Variants in TBR1 observed in about 807,000 individuals in gnomAD.
The protein encoded by TBR1 is T-box brain transcription factor 1.
A neutral mutation model predicts 60.3 loss-of-function variants in TBR1; 7 were observed. The observed-to-expected ratio is 0.12, with a 90% CI of 0.07 to 0.22. The LOEUF is 0.22. Ranked by LOEUF, TBR1 falls within the 10% of genes least tolerant of loss-of-function variation. TBR1 has a pLI of 1.00. For missense variants in TBR1, 616 were observed against 936.8 expected (o/e 0.66, Z 4.47); for synonymous variants, 417 against 409.9 (o/e 1.02, Z -0.21).
intron 5 of TBR1, chr2:161,423,029 A>G (rs1684256704): frequency 4.3e-6 from 1 of 231,896 alleles, no homozygotes; most frequent in African/African-American, 2.2e-5. Context: ...ATGTTGGAGA[A>G]GTGGGATGAA....
chr2:161,421,178 A>G (rs566819046), intron 5 of TBR1: 30 of 152,428 alleles, frequency 2.0e-4, no homozygotes, highest in Middle Eastern at 3.4e-3. Flanking sequence ...GAAAGGGTAC[A>G]TACATCTTAA....
chr2:161,419,931 C>A, intron 4 of TBR1: 1 of 240,982 alleles, frequency 4.1e-6, no homozygotes. Context: ...TGAGTTTGAA[C>A]AAATTTAGAA....
chr2:161,423,984 G>A lies in TBR1; in HGVS notation c.1806G>A (p.Glu602=). The A allele has an allele frequency of 6.4e-7, 1 of 1,555,816 alleles. No individual in the cohort carries two copies. The highest frequency in any genetic ancestry group is 8.7e-7 in the Non-Finnish European group (1 of 1,149,994). Residue 602 remains glutamate, a synonymous_variant, in exon 6 of 6, where the codon GAG becomes GAA. Transcript: ENST00000389554. Reference sequence around the variant, plus strand: ...CGCCGCTGCCGCCCGGCGCCGCCGAGGACGCCAAGCCCAAGGACCTGTCCG... The same window carrying A: ...CGCCGCTGCCGCCCGGCGCCGCCGAAGACGCCAAGCCCAAGGACCTGTCCG... ...ERSPLPPGAA[E]DAKPKDLSDS...
Position 161,416,333 on chromosome 2 carries a change from G to T in TBR1, c.-78G>T. 2 of 1,152,982 alleles carry T rather than the reference G, an allele frequency of 1.7e-6. No homozygotes were observed. Among genetic ancestry groups the T allele is most frequent in the Non-Finnish European group, 2.5e-6 (2 of 809,290 alleles). 71.4% of individuals were successfully genotyped at this position (1,152,982 alleles called of 1,614,324 possible). On this transcript the variant is annotated 5_prime_UTR_variant, in exon 1 of 6. Transcript: ENST00000389554. This position sits in a 1 kb window ranked among gnomAD's most constrained non-coding sequence, Gnocchi z 6.1. ...GAAGTGCTTTCTGTCTAGTGAGGGGGTCTGTGGATTTCTAGTTTATGATAA... is the reference window on the plus strand; with the variant it reads ...GAAGTGCTTTCTGTCTAGTGAGGGGTTCTGTGGATTTCTAGTTTATGATAA...
At position 161,416,852 on chromosome 2, in the gene TBR1, C is replaced by T; in HGVS notation, c.442C>T (p.His148Tyr). Reference sequence around the variant, plus strand: ...CGGCAGCCCTAGCCGCTACATGGCCCACCACCCGGTCATCACCAACGGAGC... The same window carrying T: ...CGGCAGCCCTAGCCGCTACATGGCCTACCACCCGGTCATCACCAACGGAGC... Reference protein sequence around the residue: ...SIGSPSRYMAHHPVITNGAYN... With the variant: ...SIGSPSRYMAYHPVITNGAYN... The change falls in exon 1 of 6, where the codon CAC becomes TAC. Residue 148 changes from histidine (H) to tyrosine (Y), a missense_variant. His to Tyr is a moderately conservative substitution (Grantham distance 83). Transcript: ENST00000389554. The surrounding 1 kb of genome is among the most constrained non-coding windows in gnomAD (Gnocchi z 6.1). 6.2e-7 allele frequency: 1 copy of T among 1,614,092 alleles called. No individual in the cohort carries two copies. Among genetic ancestry groups the T allele is most frequent in the Non-Finnish European group, 8.5e-7 (1 of 1,180,012 alleles).
At chr2:161,419,671 G>T (rs1684196257) in intron 4 of TBR1, 1 of 152,502 alleles carries the variant, frequency 6.6e-6, no homozygotes, top group African/African-American at 2.4e-5. Context: ...TTGACTACTA[G>T]GAGTGATAGG....
chr2:161,416,886 G>A lies in TBR1; in HGVS notation c.476G>A (p.Ser159Asn), dbSNP rs1359219011. 4 of 1,614,030 alleles carry A rather than the reference G, an allele frequency of 2.5e-6. No homozygotes were observed. Reference protein sequence around the residue: ...HPVITNGAYNSLLSNSSPQGY... With the variant: ...HPVITNGAYNNLLSNSSPQGY... ...GTCATCACCAACGGAGCCTACAACA[G>A]CCTCCTGTCCAACTCCTCGCCGCAG... Residue 159 changes from serine (S) to asparagine (N), a missense_variant, in exon 1 of 6, where the codon AGC becomes AAC. Physicochemically the swap from Ser to Asn is conservative, Grantham distance 46. Coordinates refer to ENST00000389554, the MANE Select transcript of TBR1 (RefSeq NM_006593.4). The surrounding 1 kb of genome is among the most constrained non-coding windows in gnomAD (Gnocchi z 6.1).
In TBR1 at chr2:161,423,802, C is replaced by T; in HGVS notation, c.1624C>T (p.Pro542Ser). ...CCGCCCGCTCGGCTACTACGCCGAC[C>T]CGTCGGGCTGGGGCGCCCGCAGTCC... ...TGRPLGYYADPSGWGARSPPQ... is the reference protein window; with the variant it reads ...TGRPLGYYADSSGWGARSPPQ... Residue 542 changes from proline (P) to serine (S), a missense_variant, in exon 6 of 6, where the codon CCG becomes TCG. By Grantham distance (74) the Pro-to-Ser change is moderately conservative. Transcript: ENST00000389554. The T allele has an allele frequency of 4.7e-6, 7 of 1,477,424 alleles. No individual in the cohort carries two copies. The highest frequency in any genetic ancestry group is 6.3e-6 in the Non-Finnish European group (7 of 1,119,300). The allele number at this position is 1,477,424 out of a possible 1,614,324, so 91.5% of individuals were successfully genotyped here.
chr2:161,417,006 T>G lies in TBR1; in HGVS notation c.596T>G (p.Leu199Arg). The G allele has an allele frequency of 6.2e-7, 1 of 1,614,182 alleles. No individual in the cohort carries two copies. ...CAGTTCTCCTCCACCCAGCCGGGGC[T>G]GGTGCCCGGCAAAGCACAGGTGTAC... ...FYQFSSTQPGLVPGKAQVYLC... is the reference protein window; with the variant it reads ...FYQFSSTQPGRVPGKAQVYLC... The change falls in exon 1 of 6, where the codon CTG becomes CGG. Residue 199 changes from leucine to arginine, a missense_variant. Physicochemically the swap from Leu to Arg is moderately radical, Grantham distance 102. This residue lies in a region of TBR1 where 211 missense variants were observed against 268.7 expected (regional missense o/e 0.79). Transcript: ENST00000389554. This position sits in a 1 kb window ranked among gnomAD's most constrained non-coding sequence, Gnocchi z 5.3.
Position 161,417,272 on chromosome 2 carries a change from A to T in TBR1, c.692+170A>T. Reference sequence around the variant, plus strand: ...AGTGGAAGGGATAACCGCCAGGGTGATGTTGGTGGGGGGGACCCCGTTCTA... The same window carrying T: ...AGTGGAAGGGATAACCGCCAGGGTGTTGTTGGTGGGGGGGACCCCGTTCTA... On this transcript the variant is annotated intron_variant, in intron 1 of 5. Coordinates refer to ENST00000389554, the MANE Select transcript of TBR1 (RefSeq NM_006593.4). This position sits in a 1 kb window ranked among gnomAD's most constrained non-coding sequence, Gnocchi z 5.3. 1.4e-6 allele frequency: 1 copy of T among 693,752 alleles called. No individual in the cohort carries two copies. Among genetic ancestry groups the T allele is most frequent in the Non-Finnish European group, 2.3e-6 (1 of 426,042 alleles). 43.0% of individuals were successfully genotyped at this position (693,752 alleles called of 1,614,324 possible).
rs191641523 is a variant in TBR1 at position 161,417,982 on chromosome 2, C to T, written c.847+152C>T. ...GGGGACAGGGGGACAGACTGAGCTGCGAGAAGGGGGAGGATTATGCAAAAG... is the reference window on the plus strand; with the variant it reads ...GGGGACAGGGGGACAGACTGAGCTGTGAGAAGGGGGAGGATTATGCAAAAG... On this transcript the variant is annotated intron_variant, in intron 2 of 5. Coordinates refer to ENST00000389554, the MANE Select transcript of TBR1 (RefSeq NM_006593.4). The surrounding 1 kb of genome is among the most constrained non-coding windows in gnomAD (Gnocchi z 5.3). 4.1e-6 allele frequency: 6 copies of T among 1,450,436 alleles called. No individual in the cohort carries two copies. The Admixed American group carries it at 1.4e-4, about 34-fold the overall frequency. The allele number at this position is 1,450,436 out of a possible 1,614,324, so 89.8% of individuals were successfully genotyped here.
Position 161,419,092 on chromosome 2 carries a change from A to G in TBR1, c.1128+42A>G, listed in dbSNP as rs1324253388. On this transcript the variant is annotated intron_variant, in intron 4 of 5. Coordinates refer to ENST00000389554, the MANE Select transcript of TBR1 (RefSeq NM_006593.4). ...GCTGGGGGCGAGGCGGGCGGCACAG[A>G]CATCTCTCCCACCCTCTCACATTCT... 8 of 1,612,772 alleles carry G rather than the reference A, an allele frequency of 5.0e-6. No individual in the cohort carries two copies. The South Asian group carries it at 8.8e-5, about 18-fold the overall frequency.
Position 161,422,542 on chromosome 2 carries a change from G to GT in TBR1, c.1191-826dup, listed in dbSNP as rs1344373040. ...TCCATTGCATGGAGTAGGCTGATAAGTACACTGTAGGTTTGCCCCGAAGTT... is the reference window on the plus strand; with the variant it reads ...TCCATTGCATGGAGTAGGCTGATAAGTTACACTGTAGGTTTGCCCCGAAGTT... On this transcript the variant is annotated intron_variant, in intron 5 of 5. Coordinates refer to ENST00000389554, the MANE Select transcript of TBR1 (RefSeq NM_006593.4). The GT allele has an allele frequency of 2.0e-5, 3 of 152,226 alleles. No individual in the cohort carries two copies. The East Asian group carries it at 5.8e-4, about 29-fold the overall frequency. 9.4% of individuals were successfully genotyped at this position (152,226 alleles called of 1,614,324 possible). A position where few individuals can be genotyped will look rare whatever the true frequency, so the allele number is the denominator to read the frequency against.
At position 161,418,801 on chromosome 2, in the gene TBR1, G is replaced by A. The variant is rs890022731; in HGVS notation, c.970-91G>A. On this transcript the variant is annotated intron_variant, in intron 3 of 5. Coordinates refer to ENST00000389554, the MANE Select transcript of TBR1 (RefSeq NM_006593.4). Reference sequence around the variant, plus strand: ...AGGCGGGCTGCAGGCTGCCTCCGCCGGCCCGGGCGCGCAGCCGGGCGCACA... The same window carrying A: ...AGGCGGGCTGCAGGCTGCCTCCGCCAGCCCGGGCGCGCAGCCGGGCGCACA... 2.5e-5 allele frequency: 37 copies of A among 1,494,996 alleles called. No individual in the cohort carries two copies. The Middle Eastern group carries it at 9.3e-4, about 37-fold the overall frequency. 92.6% of individuals were successfully genotyped at this position (1,494,996 alleles called of 1,614,324 possible). A position where few individuals can be genotyped will look rare whatever the true frequency, so the allele number is the denominator to read the frequency against.
rs764452041 is a variant in TBR1, at chr2:161,423,883, G to C, written c.1705G>C (p.Ala569Pro). 2.2e-6 allele frequency: 3 copies of C among 1,370,086 alleles called. No homozygotes were observed. Among genetic ancestry groups the C allele is most frequent in the Non-Finnish European group, 2.8e-6 (3 of 1,065,526 alleles). 84.9% of individuals were successfully genotyped at this position (1,370,086 alleles called of 1,614,324 possible). ...GSVLPCWPNS[A>P]AAAARMAGAN... is the part of the protein sequence containing the mutation. ...GGTGCTGCCCTGCTGGCCCAACAGC[G>C]CCGCGGCCGCCGCGCGCATGGCCGG... The change falls in exon 6 of 6, where the codon GCC becomes CCC. Residue 569 changes from alanine to proline, a missense_variant. Physicochemically the swap from Ala to Pro is conservative, Grantham distance 27 (BLOSUM62 -1). Transcript: ENST00000389554.
At position 161,418,049 on chromosome 2, in the gene TBR1, T is replaced by A; in HGVS notation, c.848-152T>A. ...CAGTTAATAGGAAGAAAGAATGGCCTAAAAAAGCCCCAGTTAATGGGCTTC... is the reference window on the plus strand; with the variant it reads ...CAGTTAATAGGAAGAAAGAATGGCCAAAAAAAGCCCCAGTTAATGGGCTTC... On this transcript the variant is annotated intron_variant, in intron 2 of 5. Transcript: ENST00000389554. 2.7e-6 allele frequency: 4 copies of A among 1,458,476 alleles called. No homozygotes were observed. The South Asian group carries it at 6.0e-5, about 22-fold the overall frequency. The allele number at this position is 1,458,476 out of a possible 1,614,324, so 90.3% of individuals were successfully genotyped here. A position where few individuals can be genotyped will look rare whatever the true frequency, so the allele number is the denominator to read the frequency against.
Position 161,416,772 on chromosome 2 carries a change from G to A in TBR1, c.362G>A (p.Ser121Asn), listed in dbSNP as rs781712846. The A allele has an allele frequency of 1.9e-6, 3 of 1,614,108 alleles. No homozygotes were observed. Among genetic ancestry groups the A allele is most frequent in the Non-Finnish European group, 2.5e-6 (3 of 1,180,030 alleles). Residue 121 changes from serine (S) to asparagine (N), a missense_variant, in exon 1 of 6, where the codon AGT becomes AAT. Physicochemically the swap from Ser to Asn is conservative, Grantham distance 46 (BLOSUM62 1). Around this residue, in one of 8 missense-constraint regions of TBR1, gnomAD observed 211 missense variants for 268.7 expected, o/e 0.79. Coordinates refer to ENST00000389554, the MANE Select transcript of TBR1 (RefSeq NM_006593.4). This position sits in a 1 kb window ranked among gnomAD's most constrained non-coding sequence, Gnocchi z 6.1. ...SQPQSAATAPSAMFPYPGQHG... is the reference protein window; with the variant it reads ...SQPQSAATAPNAMFPYPGQHG... The stretch of plus-strand genomic sequence containing the variant: ...CCACAGTCTGCGGCCACTGCTCCCA[G>A]TGCCATGTTCCCGTACCCCGGCCAG...
At position 161,417,140 on chromosome 2, in the gene TBR1, A is replaced by G. The variant is rs1305592390; in HGVS notation, c.692+38A>G. The G allele has an allele frequency of 2.0e-6, 3 of 1,537,334 alleles. No homozygotes were observed. Among genetic ancestry groups the G allele is most frequent in the South Asian group, 2.6e-5 (2 of 78,392 alleles). ...TTTTGGCTGCCGCTGCTCTAGGCGC[A>G]GCCGGGGACAAGTGCACCTAGGCTG... On this transcript the variant is annotated intron_variant, in intron 1 of 5. Coordinates refer to ENST00000389554, the MANE Select transcript of TBR1 (RefSeq NM_006593.4). The surrounding 1 kb of genome is among the most constrained non-coding windows in gnomAD (Gnocchi z 5.3).
rs776742843 is a variant in TBR1 at position 161,416,394 on chromosome 2, G to GT, written c.-15dup. On this transcript the variant is annotated 5_prime_UTR_variant, in exon 1 of 6. Coordinates refer to ENST00000389554, the MANE Select transcript of TBR1 (RefSeq NM_006593.4). This position sits in a 1 kb window ranked among gnomAD's most constrained non-coding sequence, Gnocchi z 6.1. ...AAAAACCAGGGACGGGAGGGCGAGT[G>GT]TTCAGGTTCTAGAGCTATGCAGCTG... The GT allele has an allele frequency of 6.5e-7, 1 of 1,545,910 alleles. No individual in the cohort carries two copies. The highest frequency in any genetic ancestry group is 2.0e-5 in the Admixed American group (1 of 49,772).
Sources: gnomAD v4.1 joint callset for allele counts on GRCh38, gnomAD v4.1.1 for gene constraint, gnomAD v4.1.1 regional missense constraint, Gnocchi (gnomAD v3.1) non-coding constraint, MANE v1.5 for transcripts, NCBI Gene and HGNC (gene_info 2026-07-23, HGNC 2026-07-21) for gene names.